ACBD6: variants seen among roughly 807,000 people sequenced by gnomAD.
The protein encoded by ACBD6 is acyl-CoA-binding domain-containing protein 6.
Under a neutral mutation model 37.2 loss-of-function variants are expected in ACBD6, and 28 were observed. That is an observed-to-expected ratio of 0.75 (90% CI 0.56 to 1.03). The LOEUF (loss-of-function observed/expected upper bound fraction) is 1.03, where lower values mean the gene tolerates loss of function less well. Ranked by LOEUF, ACBD6 falls within the 50% of genes least tolerant of loss-of-function variation. The probability of loss-of-function intolerance (pLI) is 0.00; values close to 1 mark genes in which losing one functional copy is unlikely to be tolerated. For synonymous variants in ACBD6, 113 were observed against 126.8 expected, an observed-to-expected ratio of 0.89 and a Z score of 0.73; for missense variants, 340 against 337.4, an observed-to-expected ratio of 1.01 and a Z score of -0.06.
intron 9 of ACBD6, chr1:180,277,225 G>A (rs1649088675): frequency 6.6e-6 from 1 of 152,232 alleles, no homozygotes; most frequent in Admixed American, 6.5e-5. Context: ...TGCCACTAAT[G>A]AGCCATTGCA....
chr1:180,306,183 G>C (rs1018502268), intron 7 of ACBD6, among the ~76,000 whole-genome samples: 3 of 151,594 alleles, frequency 2.0e-5, no homozygotes, highest in African/African-American at 7.3e-5. Context: ...CACCAACATG[G>C]CACATGTATA....
intron 6 of ACBD6, among the ~76,000 whole-genome samples, chr1:180,332,581 T>G (rs1305001423): frequency 6.6e-6 from 1 of 151,940 alleles, no homozygotes; most frequent in Non-Finnish European, 1.5e-5. Flanking sequence ...TATGAGAATC[T>G]AATGCCTGAT....
At chr1:180,378,879 G>A (rs1653540721) in intron 6 of ACBD6, among the ~76,000 whole-genome samples, 1 of 152,104 alleles carries the variant, frequency 6.6e-6, no homozygotes, top group Non-Finnish European at 1.5e-5. Context: ...GTCCCAGAGG[G>A]TTGTCCCACC....
At chr1:180,345,099 C>T (rs970062530) in intron 6 of ACBD6, among the ~76,000 whole-genome samples, 6 of 152,094 alleles carry the variant, frequency 3.9e-5, no homozygotes, top group African/African-American at 1.4e-4. Context: ...TATTAATTTA[C>T]CGAGCTGGTC....
chr1:180,488,349 A>G (rs1216431536), intron 3 of ACBD6, among the ~76,000 whole-genome samples: 1 of 152,214 alleles, frequency 6.6e-6, no homozygotes, highest in East Asian at 1.9e-4. Context: ...AACAGAAAAC[A>G]TAGTTATTTT....
chr1:180,316,323 T>C (rs61811586), intron 6 of ACBD6, among the ~76,000 whole-genome samples: 1 of 147,400 alleles, frequency 6.8e-6, no homozygotes, highest in South Asian at 2.2e-4. Flanking sequence ...TGTGTGTGTG[T>C]GTGCGTGAGT....
At chr1:180,341,393 G>A (rs990204220) in intron 6 of ACBD6, among the ~76,000 whole-genome samples, 1 of 152,038 alleles carries the variant, frequency 6.6e-6, no homozygotes, top group African/African-American at 2.4e-5. Context: ...TTTTAAAATT[G>A]TATCTCTACC....
intron 4 of ACBD6, among the ~76,000 whole-genome samples, chr1:180,420,867 C>G (rs1412745845): frequency 6.6e-6 from 1 of 152,180 alleles, no homozygotes; most frequent in Non-Finnish European, 1.5e-5. Flanking sequence ...ACAGAGGTAG[C>G]CTATCCCTTC....
chr1:180,452,075 C>A (rs1370093175), intron 3 of ACBD6, among the ~76,000 whole-genome samples: 1 of 152,086 alleles, frequency 6.6e-6, no homozygotes, highest in Non-Finnish European at 1.5e-5. Context: ...ACACAACGTA[C>A]CAAAATCTCT....
chr1:180,314,506 T>C (rs1259641031), intron 7 of ACBD6, among the ~76,000 whole-genome samples, 186 bp downstream of exon 7: 1 of 152,118 alleles, frequency 6.6e-6, no homozygotes, highest in Non-Finnish European at 1.5e-5. Flanking sequence ...CAGCCTCCCA[T>C]AGTGCTGGGA....
intron 5 of ACBD6, among the ~76,000 whole-genome samples, chr1:180,400,005 A>G: frequency 6.6e-6 from 1 of 152,126 alleles, no homozygotes; most frequent in Non-Finnish European, 1.5e-5. Flanking sequence ...TTTTACCATA[A>G]GATGTATAGA....
intron 3 of ACBD6, among the ~76,000 whole-genome samples, chr1:180,456,858 T>C (rs1649946098): frequency 6.6e-6 from 1 of 152,102 alleles, no homozygotes; most frequent in African/African-American, 2.4e-5. Flanking sequence ...CCCTCCCAAG[T>C]AGCTGGGACT....
chr1:180,274,286 G>T, intron 10 of ACBD6: 3 of 1,614,178 alleles, frequency 1.9e-6, no homozygotes, highest in Non-Finnish European at 2.5e-6. Context: ...CTCCATGGAC[G>T]GGACAGGACA....
rs1275178082 is a variant in ACBD6 at position 180,302,752 on chromosome 1, G to C, written c.694+11940C>G. ...ATTGAACTCAGCTCTGCACCAAGAG[G>C]ACCTAATAGACATCTACAGAACTCT... On this transcript the variant is annotated intron_variant, in intron 7 of 7. Transcript: ENST00000367595. 4.7e-5 allele frequency among the ~76,000 whole-genome samples: 7 copies of C among 149,830 alleles called. No homozygotes were observed. The Admixed American group carries it at 4.7e-4, about 10-fold the overall frequency.
At chr1:180,415,470 A>G (rs764612525) in intron 4 of ACBD6, among the ~76,000 whole-genome samples, 1 of 152,144 alleles carries the variant, frequency 6.6e-6, no homozygotes, top group Non-Finnish European at 1.5e-5. Context: ...TTCCAACTTA[A>G]GGATAATAGG....
chr1:180,470,473 T>C (rs1195314505), intron 3 of ACBD6, among the ~76,000 whole-genome samples: 2 of 152,194 alleles, frequency 1.3e-5, no homozygotes, highest in African/African-American at 2.4e-5. Flanking sequence ...AAAAAGTCAA[T>C]CGCCTTTCAG....
exon 14 of ACBD6, chr1:180,271,639 G>T: frequency 6.8e-7 from 1 of 1,469,240 alleles, no homozygotes; most frequent in Non-Finnish European, 9.5e-7. Flanking sequence ...CTCAGGGCTT[G>T]ACCCCAGGGC....
chr1:180,455,066 C>T (rs1481841398), intron 3 of ACBD6, among the ~76,000 whole-genome samples: 1 of 152,192 alleles, frequency 6.6e-6, no homozygotes, highest in Non-Finnish European at 1.5e-5. Flanking sequence ...AAGACACATG[C>T]ACACGTATGT....
chr1:180,496,650 T>C (rs919138459), intron 1 of ACBD6, among the ~76,000 whole-genome samples: 2 of 152,208 alleles, frequency 1.3e-5, no homozygotes, highest in Non-Finnish European at 2.9e-5. Context: ...CAGTCTACAA[T>C]GATCTCATCT....
Sources: gnomAD v4.1 joint callset for allele counts (sites outside exome capture counted in the v4.1 genomes callset) on GRCh38, gnomAD v4.1.1 for gene constraint, MANE v1.5 for transcripts, NCBI Gene and HGNC (gene_info 2026-07-23, HGNC 2026-07-21) for gene names.